The following DSCAML1 variants were observed in gnomAD, a reference collection of about 807,000 sequenced individuals.
The protein encoded by DSCAML1 is DS cell adhesion molecule like 1, also known as cell adhesion molecule DSCAML1.
DSCAML1 carries 38 observed loss-of-function variants against 200.5 expected under a neutral mutation model. The ratio of observed to expected loss-of-function variants is 0.19; its 90% confidence interval spans 0.15 to 0.25. DSCAML1 has a LOEUF of 0.25. Ranked by LOEUF, DSCAML1 falls within the 10% of genes least tolerant of loss-of-function variation. The pLI is 1.00. For synonymous variants in DSCAML1, 1,215 were observed against 1,165.0 expected (o/e 1.04, Z -0.87); for missense variants, 2,223 against 2,858.8 (o/e 0.78, Z 5.07).
rs141380071 is a variant in DSCAML1 at position 117,617,994 on chromosome 11, T to C, written c.512-85472A>G. On this transcript the variant is annotated intron_variant, in intron 3 of 32. Coordinates refer to ENST00000651296, the MANE Select transcript of DSCAML1 (RefSeq NM_020693.4). ...GCAAAGACTCGTAATAAACTAGATC[T>C]ATAATAATGTCTCTCTCTCCCTCTC... Among the ~76,000 whole-genome samples the C allele has an allele frequency of 3.9e-3, 601 of 152,298 alleles. 2 individuals carry two copies. The highest frequency in any genetic ancestry group is 6.5e-3 in the Non-Finnish European group (439 of 68,020).
chr11:117,617,991 A>G (rs984603126), intron 3 of DSCAML1, among the ~76,000 whole-genome samples: 1 of 152,042 alleles, frequency 6.6e-6, no homozygotes, highest in South Asian at 2.1e-4. Flanking sequence ...AATAAACTAG[A>G]TCTATAATAA....
intron 3 of DSCAML1, among the ~76,000 whole-genome samples, chr11:117,549,465 A>T (rs976740637): frequency 1.3e-5 from 2 of 152,230 alleles, no homozygotes; most frequent in African/African-American, 4.8e-5. Flanking sequence ...AGTCAGATAG[A>T]CTTCCGTTCT....
chr11:117,724,123 C>T (rs1048419972), intron 3 of DSCAML1, among the ~76,000 whole-genome samples: 3 of 152,214 alleles, frequency 2.0e-5, no homozygotes, highest in Non-Finnish European at 4.4e-5. Flanking sequence ...CATTTTTCCC[C>T]CTCCTGTCTC....
intron 3 of DSCAML1, among the ~76,000 whole-genome samples, chr11:117,600,479 G>T (rs764644188): frequency 6.6e-6 from 1 of 152,180 alleles, no homozygotes; most frequent in African/African-American, 2.4e-5. Context: ...GCCCACAGAG[G>T]GGAAATGCCA....
At chr11:117,719,488 G>T (rs1333252027) in intron 3 of DSCAML1, among the ~76,000 whole-genome samples, 1 of 152,186 alleles carries the variant, frequency 6.6e-6, no homozygotes, top group Non-Finnish European at 1.5e-5. Context: ...GTCAGGGTTA[G>T]GTACGTTGAC....
At chr11:117,436,347 G>C (rs1000009083) in intron 26 of DSCAML1, among the ~76,000 whole-genome samples, 1 of 152,284 alleles carries the variant, frequency 6.6e-6, no homozygotes, top group African/African-American at 2.4e-5. Flanking sequence ...GCCAAGCCCT[G>C]ACCCTTGCCT....
intron 11 of DSCAML1, among the ~76,000 whole-genome samples, chr11:117,490,116 A>G (rs1444655820): frequency 6.6e-6 from 1 of 152,084 alleles, no homozygotes; most frequent in Non-Finnish European, 1.5e-5. Context: ...CACCACGGAG[A>G]GGAGAAAGGC....
intron 3 of DSCAML1, among the ~76,000 whole-genome samples, chr11:117,663,614 C>T (rs1199848249): frequency 1.3e-5 from 2 of 151,782 alleles, no homozygotes; most frequent in African/African-American, 2.4e-5. Context: ...CCCACATCGC[C>T]GCCAAGTGCC....
At chr11:117,725,564 C>G (rs1291519915) in intron 3 of DSCAML1, among the ~76,000 whole-genome samples, 1 of 152,188 alleles carries the variant, frequency 6.6e-6, no homozygotes, top group African/African-American at 2.4e-5. Context: ...CTGTCCGATC[C>G]GCACTGTTGA....
intron 8 of DSCAML1, among the ~76,000 whole-genome samples, chr11:117,515,954 C>T (rs1268614453): frequency 6.6e-6 from 1 of 152,076 alleles, no homozygotes; most frequent in Non-Finnish European, 1.5e-5. Context: ...ACAGCACTTT[C>T]CAGGCCTCAA....
chr11:117,665,375 T>C (rs687100), intron 3 of DSCAML1, among the ~76,000 whole-genome samples: 75,275 of 152,114 alleles, frequency 0.49, 19,443 homozygotes, highest in East Asian at 0.66. Context: ...ATAACAGCAA[T>C]GACAGCCACA....
In DSCAML1 at chr11:117,776,783, C is replaced by G. The variant is rs753747393; in HGVS notation, c.511+8G>C. 1 of 1,614,116 alleles carries G rather than the reference C, an allele frequency of 6.2e-7. No individual in the cohort carries two copies. On this transcript the variant is annotated splice_region_variant and intron_variant, in intron 3 of 32. Transcript: ENST00000651296. ...CTCTGTCTGCCGCAGCCCCGGGACG[C>G]TTCTTACCTGGGATGATGGAGACTG...
chr11:117,719,322 G>A (rs1361337020), intron 3 of DSCAML1, among the ~76,000 whole-genome samples: 2 of 152,152 alleles, frequency 1.3e-5, no homozygotes, highest in Non-Finnish European at 2.9e-5. Context: ...CGGAGGTGAT[G>A]GTGCAAGCCT....
chr11:117,671,902 A>G (rs999986046), intron 3 of DSCAML1, among the ~76,000 whole-genome samples: 3 of 151,944 alleles, frequency 2.0e-5, no homozygotes, highest in Non-Finnish European at 4.4e-5. Flanking sequence ...ACCTGAGGTC[A>G]GGAGATCAAG....
At chr11:117,720,891 A>G (rs1228664783) in intron 3 of DSCAML1, among the ~76,000 whole-genome samples, 1 of 152,242 alleles carries the variant, frequency 6.6e-6, no homozygotes, top group Non-Finnish European at 1.5e-5. Flanking sequence ...CATTAACCTG[A>G]GGTTACGCTG....
intron 3 of DSCAML1, among the ~76,000 whole-genome samples, chr11:117,693,042 G>A (rs2053526160): frequency 6.6e-6 from 1 of 152,176 alleles, no homozygotes. Context: ...TGGAGCCTGG[G>A]CTCTGATGTG....
At chr11:117,803,724 G>T (rs1670451316) in intron 1 of DSCAML1, among the ~76,000 whole-genome samples, 1 of 152,162 alleles carries the variant, frequency 6.6e-6, no homozygotes, top group Non-Finnish European at 1.5e-5. Flanking sequence ...TGCCTCAGAG[G>T]TCTTAAGTCT....
chr11:117,481,996 C>G lies in DSCAML1; in HGVS notation c.2526G>C (p.Lys842Asn). 1 of 1,614,136 alleles carries G rather than the reference C, an allele frequency of 6.2e-7. No individual in the cohort carries two copies. Among genetic ancestry groups the G allele is most frequent in the Non-Finnish European group, 8.5e-7 (1 of 1,180,006 alleles). ...DRVMRYAIAT[K>N]DNGDEVVSTL... The stretch of plus-strand genomic sequence containing the variant: ...TGGAGACGACCTCGTCGCCGTTGTC[C>G]TTGGTGGCGATGGCATACCGCATGA... The change falls in exon 12 of 33, where the codon AAG becomes AAC. Residue 842 changes from lysine to asparagine, a missense_variant. Around this residue, in one of 7 missense-constraint regions of DSCAML1, gnomAD observed 438 missense variants for 629.7 expected, o/e 0.70. Coordinates refer to ENST00000651296, the MANE Select transcript of DSCAML1 (RefSeq NM_020693.4).
intron 14 of DSCAML1, among the ~76,000 whole-genome samples, chr11:117,473,232 C>T (rs1372075969): frequency 6.6e-6 from 1 of 152,166 alleles, no homozygotes; most frequent in African/African-American, 2.4e-5. Context: ...CACAGTGGCT[C>T]ATGCCTGTAA....
Sources: allele counts gnomAD v4.1 joint callset (sites outside exome capture counted in the v4.1 genomes callset), GRCh38; gene constraint gnomAD v4.1.1; regional missense constraint gnomAD v4.1.1; transcripts MANE v1.5; gene names NCBI Gene and HGNC (gene_info 2026-07-23, HGNC 2026-07-21).